The following FAT1 variants were observed in gnomAD, a reference collection of about 807,000 sequenced individuals.
FAT1 encodes the protein protocadherin Fat 1.
FAT1 carries 171 observed loss-of-function variants against 329.8 expected under a neutral mutation model. The ratio of observed to expected loss-of-function variants is 0.52; its 90% confidence interval spans 0.46 to 0.59. FAT1 has a LOEUF of 0.59. Ranked by LOEUF, FAT1 falls within the 20% of genes least tolerant of loss-of-function variation. The pLI is 0.00. For synonymous variants in FAT1, 2,233 were observed against 2,228.6 expected (o/e 1.00, Z -0.06); for missense variants, 5,672 against 5,774.4 (o/e 0.98, Z 0.57).
intron 9 of FAT1, among the ~76,000 whole-genome samples, chr4:186,627,773 A>G (rs937009813): frequency 5.9e-5 from 9 of 152,240 alleles, no homozygotes; most frequent in African/African-American, 2.2e-4. Context: ...CTGACAAAAA[A>G]GTGAAACGTT....
In FAT1 at chr4:186,588,481, C is replaced by T; in HGVS notation, c.*111G>A. On this transcript the variant is annotated 3_prime_UTR_variant, in exon 27 of 27. Transcript: ENST00000441802. ...AGGCGCAGGATCCAGCGCAGCCATG[C>T]CCATTCGGCTCACCAAAAAAAGCTT... 1 of 1,307,040 alleles carries T rather than the reference C, an allele frequency of 7.7e-7. No homozygotes were observed. Among genetic ancestry groups the T allele is most frequent in the East Asian group, 2.4e-5 (1 of 41,068 alleles). 81.0% of individuals were successfully genotyped at this position (1,307,040 alleles called of 1,614,324 possible).
chr4:186,620,458 T>A lies in FAT1; in HGVS notation c.6128A>T (p.Gln2043Leu), dbSNP rs2126515862. The A allele has an allele frequency of 6.2e-7, 1 of 1,614,038 alleles. No individual in the cohort carries two copies. The change falls in exon 10 of 27, where the codon CAG becomes CTG. Residue 2043 changes from glutamine (Q) to leucine (L), a missense_variant. Coordinates refer to ENST00000441802, the MANE Select transcript of FAT1 (RefSeq NM_005245.4). ...STTGTPFDRE[Q>L]QEAFDVVVEV... ...TACAACCACATCAAACGCCTCCTGC[T>A]GCTCACGATCGAAGGGCGTGCCAGT... is the stretch of plus-strand genomic sequence containing the variant.
At position 186,628,285 on chromosome 4, in the gene FAT1, G is replaced by C. The variant is rs374571513; in HGVS notation, c.4679C>G (p.Pro1560Arg). ...TTTGTAGGAGGAAGCGGTGAACCACGGGGCGTGGTCATTCGTGTCGCTGAC... is the reference window on the plus strand; with the variant it reads ...TTTGTAGGAGGAAGCGGTGAACCACCGGGCGTGGTCATTCGTGTCGCTGAC... Reference protein sequence around the residue: ...VNVSDTNDHAPWFTASSYKGR... With the variant: ...VNVSDTNDHARWFTASSYKGR... The change falls in exon 9 of 27, where the codon CCG becomes CGG. Residue 1560 changes from proline to arginine, a missense_variant. Around this residue, in one of 2 missense-constraint regions of FAT1, gnomAD observed 3,966 missense variants for 3,915.2 expected, o/e 1.01. Coordinates refer to ENST00000441802, the MANE Select transcript of FAT1 (RefSeq NM_005245.4). 1 of 1,613,724 alleles carries C rather than the reference G, an allele frequency of 6.2e-7. No individual in the cohort carries two copies. The highest frequency in any genetic ancestry group is 1.3e-5 in the African/African-American group (1 of 75,028).
intron 2 of FAT1, among the ~76,000 whole-genome samples, chr4:186,686,431 A>C (rs1743473105): frequency 6.6e-6 from 1 of 152,126 alleles, no homozygotes; most frequent in African/African-American, 2.4e-5. Context: ...TCTTTTTTCC[A>C]AGGGCTCAAT....
intron 3 of FAT1, among the ~76,000 whole-genome samples, chr4:186,662,341 G>A (rs185364584): frequency 7.9e-5 from 12 of 152,236 alleles, no homozygotes; most frequent in Admixed American, 3.9e-4. Flanking sequence ...GAGGGTGAAC[G>A]CAGTCACCAC....
At chr4:186,634,425 C>A (rs992476567) in intron 6 of FAT1, among the ~76,000 whole-genome samples, 1 of 151,850 alleles carries the variant, frequency 6.6e-6, no homozygotes, top group African/African-American at 2.4e-5. Context: ...AATCCATCGA[C>A]CTAGATATAA....
At chr4:186,594,139 C>T (rs1251421027) in intron 26 of FAT1, among the ~76,000 whole-genome samples, 3 of 151,954 alleles carry the variant, frequency 2.0e-5, no homozygotes, top group Non-Finnish European at 4.4e-5. Flanking sequence ...GACCTCAGCT[C>T]ACTGCAAGCT....
chr4:186,667,492 C>T (rs1243916654), intron 2 of FAT1, among the ~76,000 whole-genome samples: 2 of 152,128 alleles, frequency 1.3e-5, no homozygotes, highest in Non-Finnish European at 2.9e-5. Context: ...TTTTATAATG[C>T]CTATCGTGAT....
rs1448624724 is a variant in FAT1 at position 186,636,867 on chromosome 4, T to C, written c.3690A>G (p.Arg1230=). The change falls in exon 5 of 27, where the codon AGA becomes AGG. Residue 1230 remains arginine, a synonymous_variant. Transcript: ENST00000441802. ...NGSPPKSTIA[R]VIVKILDEND... ...TTTCATCAAGGATTTTCACAATGAC[T>C]CTTGCAATGGTTGATTTGGGGGGAC... 6.2e-7 allele frequency: 1 copy of C among 1,613,786 alleles called. No individual in the cohort carries two copies. Among genetic ancestry groups the C allele is most frequent in the Non-Finnish European group, 8.5e-7 (1 of 1,179,810 alleles).
chr4:186,704,809 A>G (rs2126679108), intron 2 of FAT1, among the ~76,000 whole-genome samples: 1 of 152,302 alleles, frequency 6.6e-6, no homozygotes, highest in East Asian at 1.9e-4. Context: ...TAAACTAATT[A>G]TGGGTATTTT....
intron 2 of FAT1, among the ~76,000 whole-genome samples, chr4:186,680,090 G>C (rs920358796): frequency 6.6e-6 from 1 of 152,068 alleles, no homozygotes; most frequent in East Asian, 1.9e-4. Flanking sequence ...ATCCCAACAC[G>C]ACTGCAAATT....
intron 2 of FAT1, among the ~76,000 whole-genome samples, chr4:186,684,446 G>A (rs1472672130): frequency 6.6e-6 from 1 of 152,148 alleles, no homozygotes; most frequent in African/African-American, 2.4e-5. Flanking sequence ...CGTAGGAGAC[G>A]TAGGACCATG....
At chr4:186,599,388 A>G (rs1738685738) in intron 22 of FAT1, among the ~76,000 whole-genome samples, 1 of 152,168 alleles carries the variant, frequency 6.6e-6, no homozygotes, top group Non-Finnish European at 1.5e-5. Flanking sequence ...CCAGGGTGCA[A>G]AAGACACAAA....
intron 2 of FAT1, among the ~76,000 whole-genome samples, chr4:186,679,417 A>C (rs890424115): frequency 1.8e-4 from 11 of 61,170 alleles, no homozygotes; most frequent in African/African-American, 1.2e-3. Flanking sequence ...ACTCTGTCTC[A>C]AAAAAAAAAA....
chr4:186,590,124 A>T (rs559755059), intron 26 of FAT1, among the ~76,000 whole-genome samples: 1 of 150,956 alleles, frequency 6.6e-6, no homozygotes, highest in South Asian at 2.1e-4. Flanking sequence ...CCACTATTTT[A>T]AAAAAAAACT....
intron 1 of FAT1, among the ~76,000 whole-genome samples, chr4:186,721,136 T>C (rs1196577904): frequency 1.3e-5 from 2 of 152,252 alleles, no homozygotes; most frequent in Non-Finnish European, 2.9e-5. Context: ...AAGCAGTGTA[T>C]AGAAGCCTTT....
At chr4:186,648,500 A>C (rs145541661) in intron 3 of FAT1, among the ~76,000 whole-genome samples, 2 of 152,272 alleles carry the variant, frequency 1.3e-5, no homozygotes, top group Non-Finnish European at 2.9e-5. Flanking sequence ...GCAAATTTTT[A>C]ATGAAATGGA....
Position 186,644,272 on chromosome 4 carries a change from T to C in FAT1, c.3581-4489A>G, listed in dbSNP as rs558846688. 9.8e-5 allele frequency among the ~76,000 whole-genome samples: 15 copies of C among 152,318 alleles called. 1 individual carries two copies. In the South Asian group the frequency reaches 2.9e-3, roughly 29 times the overall value. On this transcript the variant is annotated intron_variant, in intron 3 of 26. Coordinates refer to ENST00000441802, the MANE Select transcript of FAT1 (RefSeq NM_005245.4). ...GAATGACTCATCATTAGTCATTTAA[T>C]AGATCCAAAAAAGCAAGTTAGGAGA... is the stretch of plus-strand genomic sequence containing the variant.
Position 186,619,709 on chromosome 4 carries a change from A to G in FAT1, c.6877T>C (p.Ser2293Pro). Residue 2293 changes from serine (S) to proline (P), a missense_variant, in exon 10 of 27, where the codon TCT becomes CCT. Around this residue, in one of 2 missense-constraint regions of FAT1, gnomAD observed 3,966 missense variants for 3,915.2 expected, o/e 1.01. Coordinates refer to ENST00000441802, the MANE Select transcript of FAT1 (RefSeq NM_005245.4). ...GACGTTCCAATTACAGATGCCTCAG[A>G]CAGGGTCACCGCATAAGACTGCTGA... ...FAQQSYAVTLSEASVIGTSVV... is the reference protein window; with the variant it reads ...FAQQSYAVTLPEASVIGTSVV... 1 of 1,614,032 alleles carries G rather than the reference A, an allele frequency of 6.2e-7. No individual in the cohort carries two copies. The highest frequency in any genetic ancestry group is 8.5e-7 in the Non-Finnish European group (1 of 1,179,894).
Sources: gnomAD v4.1 joint callset for allele counts (sites outside exome capture counted in the v4.1 genomes callset) on GRCh38, gnomAD v4.1.1 for gene constraint, gnomAD v4.1.1 regional missense constraint, MANE v1.5 for transcripts, NCBI Gene and HGNC (gene_info 2026-07-23, HGNC 2026-07-21) for gene names.